Variants in MDGA1 observed in about 807,000 individuals in gnomAD.
MDGA1 encodes the protein MAM domain-containing glycosylphosphatidylinositol anchor protein 1.
In MDGA1, 54 loss-of-function variants were observed where a neutral mutation model predicts 101.5. The observed-to-expected ratio is 0.53, with a 90% CI of 0.43 to 0.67. The LOEUF (loss-of-function observed/expected upper bound fraction) is 0.67. Ranked by LOEUF, MDGA1 falls within the 30% of genes least tolerant of loss-of-function variation. The pLI is 0.00. For synonymous variants in MDGA1, 533 were observed against 558.3 expected, an observed-to-expected ratio of 0.95 and a Z score of 0.64; for missense variants, 1,083 against 1,323.8, an observed-to-expected ratio of 0.82 and a Z score of 2.82.
chr6:37,637,643 G>A (rs1438376184), intron 16 of MDGA1, among the ~76,000 whole-genome samples, 184 bp from the exon 17 acceptor site: 2 of 152,128 alleles, frequency 1.3e-5, no homozygotes, highest in African/African-American at 2.4e-5. Context: ...GGGTGGGGTG[G>A]GGGTTAGCTC....
Position 37,655,595 on chromosome 6 carries a change from T to C in MDGA1, c.579+105A>G. The C allele has an allele frequency of 1.2e-6, 1 of 812,874 alleles. No individual in the cohort carries two copies. The highest frequency in any genetic ancestry group is 1.9e-5 in the South Asian group (1 of 53,554). The allele number at this position is 812,874 out of a possible 1,614,324, so 50.4% of individuals were successfully genotyped here. A position where few individuals can be genotyped will look rare whatever the true frequency, so the allele number is the denominator to read the frequency against. On this transcript the variant is annotated intron_variant, in intron 4 of 16. Coordinates refer to ENST00000434837, the MANE Select transcript of MDGA1 (RefSeq NM_153487.4). This position sits in a 1 kb window ranked among gnomAD's most constrained non-coding sequence, Gnocchi z 5.1. Reference sequence around the variant, plus strand: ...AGAATGTGTGTTTCCAAAGTAAGAATAGAATTGTTGAAGTCAAGGCAGTCC... The same window carrying C: ...AGAATGTGTGTTTCCAAAGTAAGAACAGAATTGTTGAAGTCAAGGCAGTCC...
At chr6:37,681,004 C>CCG (rs979816177) in intron 1 of MDGA1, among the ~76,000 whole-genome samples, 5 of 152,110 alleles carry the variant, frequency 3.3e-5, no homozygotes, top group Non-Finnish European at 5.9e-5. Context: ...CAGCCCCCCC[C>CCG]CCCCAGGAAA....
chr6:37,692,210 C>T (rs550834718), intron 1 of MDGA1, among the ~76,000 whole-genome samples: 5 of 152,176 alleles, frequency 3.3e-5, no homozygotes, highest in South Asian at 4.2e-4. Flanking sequence ...ACATCTGGAA[C>T]GGCAGCAGCT....
intron 1 of MDGA1, among the ~76,000 whole-genome samples, chr6:37,685,920 G>A (rs996586104): frequency 1.3e-5 from 2 of 152,190 alleles, no homozygotes; most frequent in Non-Finnish European, 2.9e-5. Context: ...AGAGTGGGGT[G>A]AGTGAGGAGG....
intron 8 of MDGA1, 124 bp from the exon 9 acceptor site, chr6:37,649,390 C>G: frequency 7.2e-7 from 1 of 1,380,722 alleles, no homozygotes; most frequent in Non-Finnish European, 9.3e-7. Context: ...AATCCCAGGG[C>G]GGATGCACAC....
chr6:37,650,001 G>T, intron 8 of MDGA1, 108 bp downstream of exon 8: 1 of 1,312,178 alleles, frequency 7.6e-7, no homozygotes. Context: ...AGGAGTAGCT[G>T]GTGGGGTTTG....
intron 2 of MDGA1, among the ~76,000 whole-genome samples, chr6:37,658,905 G>C (rs546782920): frequency 6.6e-6 from 1 of 151,104 alleles, no homozygotes; most frequent in South Asian, 2.1e-4. Context: ...CGGGAGGCGG[G>C]GGTTGCAGTG....
At chr6:37,669,586 A>C (rs1221412308) in intron 1 of MDGA1, among the ~76,000 whole-genome samples, 1 of 151,986 alleles carries the variant, frequency 6.6e-6, no homozygotes, top group East Asian at 1.9e-4. Flanking sequence ...GGCTCAGGTC[A>C]CCCTTGGAAT....
chr6:37,643,026 C>G (rs1042254385), intron 14 of MDGA1, among the ~76,000 whole-genome samples: 1 of 152,182 alleles, frequency 6.6e-6, no homozygotes. Context: ...AAAGAAGCAC[C>G]CTTCCGATCT....
At chr6:37,659,067 T>C (rs73734236) in intron 2 of MDGA1, among the ~76,000 whole-genome samples, 1 of 151,460 alleles carries the variant, frequency 6.6e-6, no homozygotes, top group African/African-American at 2.4e-5. Flanking sequence ...AGGGGCTCAC[T>C]TGGGGAGGAA....
At position 37,696,706 on chromosome 6, in the gene MDGA1, C is replaced by G. The variant is rs45627433; in HGVS notation, c.67+39G>C. 189,400 of 1,548,306 alleles carry G rather than the reference C, an allele frequency of 0.12. 12,277 individuals carry two copies. The highest frequency in any genetic ancestry group is 0.17 in the South Asian group (13,938 of 84,226). On this transcript the variant is annotated intron_variant, in intron 1 of 16. Coordinates refer to ENST00000434837, the MANE Select transcript of MDGA1 (RefSeq NM_153487.4). This position sits in a 1 kb window ranked among gnomAD's most constrained non-coding sequence, Gnocchi z 5.6. ...TTGCGCCTCTTGCAAAGTTTCCGCG[C>G]GAGGTTAAGCCAAGGTGGAGCGGGA...
Position 37,649,271 on chromosome 6 carries a change from G to T in MDGA1, c.1610-5C>A. ...TGGGCTCCACCTCCGGCGGGACTGG[G>T]GGCGGGAGCGGCGGTCAGCGGGGCC... On this transcript the variant is annotated splice_region_variant and splice_polypyrimidine_tract_variant and intron_variant, in intron 8 of 16. Transcript: ENST00000434837. The T allele has an allele frequency of 6.7e-7, 1 of 1,484,338 alleles. No individual in the cohort carries two copies. 91.9% of individuals were successfully genotyped at this position (1,484,338 alleles called of 1,614,324 possible).
chr6:37,659,795 A>G (rs920724155), intron 2 of MDGA1, among the ~76,000 whole-genome samples: 16 of 152,324 alleles, frequency 1.1e-4, no homozygotes, highest in African/African-American at 3.8e-4. Flanking sequence ...GCTAGAGGTT[A>G]CAAAACCTGG....
At position 37,635,898 on chromosome 6, in the gene MDGA1, C is replaced by T. The variant is rs555417987; in HGVS notation, c.*1470G>A. ...TCAGGAAGGTGGACACACACGCTGA[C>T]GTACACGGACATTCATAGAAACGAA... On this transcript the variant is annotated 3_prime_UTR_variant, in exon 17 of 17. Coordinates refer to ENST00000434837, the MANE Select transcript of MDGA1 (RefSeq NM_153487.4). The T allele has an allele frequency of 6.0e-5, 24 of 397,632 alleles. No individual in the cohort carries two copies. The highest frequency in any genetic ancestry group is 2.9e-4 in the African/African-American group (14 of 48,744). 24.6% of individuals were successfully genotyped at this position (397,632 alleles called of 1,614,324 possible). A position where few individuals can be genotyped will look rare whatever the true frequency, so the allele number is the denominator to read the frequency against.
At chr6:37,647,033 T>C in intron 10 of MDGA1, 140 bp downstream of exon 10, 1 of 742,096 alleles carries the variant, frequency 1.3e-6, no homozygotes, top group South Asian at 1.8e-5. Context: ...CTTTTCTCCC[T>C]GCCCCTGAAG....
Position 37,696,717 on chromosome 6 carries a change from C to A in MDGA1, c.67+28G>T. The A allele has an allele frequency of 6.4e-7, 1 of 1,562,196 alleles. No individual in the cohort carries two copies. Among genetic ancestry groups the A allele is most frequent in the Non-Finnish European group, 8.7e-7 (1 of 1,151,914 alleles). ...GCAAAGTTTCCGCGCGAGGTTAAGC[C>A]AAGGTGGAGCGGGACGCGGGCTCTT... is the stretch of plus-strand genomic sequence containing the variant. On this transcript the variant is annotated intron_variant, in intron 1 of 16. Transcript: ENST00000434837. The surrounding 1 kb of genome is among the most constrained non-coding windows in gnomAD (Gnocchi z 5.6).
intron 1 of MDGA1, among the ~76,000 whole-genome samples, chr6:37,688,857 G>A (rs1474485657): frequency 6.6e-6 from 1 of 152,194 alleles, no homozygotes; most frequent in African/African-American, 2.4e-5. Flanking sequence ...AGAGGCAACA[G>A]GCTGCCCACC....
At chr6:37,675,742 A>C (rs972938597) in intron 1 of MDGA1, among the ~76,000 whole-genome samples, 1 of 152,148 alleles carries the variant, frequency 6.6e-6, no homozygotes, top group Non-Finnish European at 1.5e-5. Context: ...AGGGTTACTC[A>C]TTGTTACTCA....
rs550523901 is a variant in MDGA1 at position 37,652,175 on chromosome 6, C to T, written c.1148G>A (p.Arg383Gln). 8 of 1,614,010 alleles carry T rather than the reference C, an allele frequency of 5.0e-6. No individual in the cohort carries two copies. The highest frequency in any genetic ancestry group is 3.3e-5 in the Admixed American group (2 of 60,030). The change falls in exon 7 of 17, where the codon CGG (arginine) becomes CAG (glutamine). Residue 383 changes from arginine (R) to glutamine (Q), a missense_variant. By Grantham distance (43) the Arg-to-Gln change is conservative. Coordinates refer to ENST00000434837, the MANE Select transcript of MDGA1 (RefSeq NM_153487.4). The surrounding 1 kb of genome is among the most constrained non-coding windows in gnomAD (Gnocchi z 4.3). The stretch of plus-strand genomic sequence containing the variant: ...AGGATCATTGCGGGTCACCAGCAGC[C>T]GCTTGGACATGCGTGCCGGCTTGCC... ...KNGKPARMSK[R>Q]LLVTRNDPEL...
Sources: gnomAD v4.1 joint callset for allele counts (sites outside exome capture counted in the v4.1 genomes callset) on GRCh38, gnomAD v4.1.1 for gene constraint, Gnocchi (gnomAD v3.1) non-coding constraint, MANE v1.5 for transcripts, NCBI Gene and HGNC (gene_info 2026-07-23, HGNC 2026-07-21) for gene names.